The following DPP6 variants were observed in gnomAD, a reference collection of about 807,000 sequenced individuals.
DPP6 encodes the protein A-type potassium channel modulatory protein DPP6.
Under a neutral mutation model 122.6 loss-of-function variants are expected in DPP6, and 69 were observed. That is an observed-to-expected ratio of 0.56 (90% CI 0.46 to 0.69). The LOEUF (loss-of-function observed/expected upper bound fraction) is 0.69. Ranked by LOEUF, DPP6 falls within the 30% of genes least tolerant of loss-of-function variation. DPP6 has a pLI of 0.00. For missense variants in DPP6, 928 were observed against 1,116.9 expected, an observed-to-expected ratio of 0.83 and a Z score of 2.41; for synonymous variants, 418 against 433.1, an observed-to-expected ratio of 0.97 and a Z score of 0.43.
chr7:154,318,293 C>G (rs148600565), intron 1 of DPP6, among the ~76,000 whole-genome samples: 1 of 152,174 alleles, frequency 6.6e-6, no homozygotes, highest in Non-Finnish European at 1.5e-5. Context: ...ACTCAATATT[C>G]GTCTCCCTCG....
rs1456389164 is a variant in DPP6, at chr7:154,255,377, C to G, written c.244-190837C>G. Among the ~76,000 whole-genome samples, 3 of 152,236 alleles carry G rather than the reference C, an allele frequency of 2.0e-5. No homozygotes were observed. The South Asian group carries it at 6.2e-4, about 31-fold the overall frequency. Reference sequence around the variant, plus strand: ...AGTTATCTGAAGGTTGACAAGGCAGCAGGCTTAGATGAATTACACTCCAGC... The same window carrying G: ...AGTTATCTGAAGGTTGACAAGGCAGGAGGCTTAGATGAATTACACTCCAGC... On this transcript the variant is annotated intron_variant, in intron 1 of 25. Coordinates refer to ENST00000377770, the MANE Select transcript of DPP6 (RefSeq NM_130797.4).
intron 1 of DPP6, among the ~76,000 whole-genome samples, chr7:154,217,866 A>G (rs1220607515): frequency 6.6e-6 from 1 of 152,138 alleles, no homozygotes. Context: ...CACGCTGCCC[A>G]AGCCTGGTCT....
intron 3 of DPP6, among the ~76,000 whole-genome samples, chr7:154,528,231 G>A (rs1297867174): frequency 3.3e-5 from 5 of 152,094 alleles, no homozygotes; most frequent in African/African-American, 1.2e-4. Context: ...ATGTTTCTTA[G>A]AACTCCCATT....
rs1826963177 is a variant in DPP6 at position 154,521,357 on chromosome 7, CAAAT to C, written c.458-19170_458-19167del. 2.0e-5 allele frequency among the ~76,000 whole-genome samples: 3 copies of C among 149,334 alleles called. No individual in the cohort carries two copies. In the Admixed American group the frequency reaches 2.0e-4, roughly 10 times the overall value. On this transcript the variant is annotated intron_variant, in intron 3 of 25. Coordinates refer to ENST00000377770, the MANE Select transcript of DPP6 (RefSeq NM_130797.4). ...TTTGCAAAAACAAATCCTAATTCTA[CAAAT>C]AAATTGTTTTTTTTTTTTTCCTTAA...
At chr7:154,680,922 T>C (rs1428052685) in intron 7 of DPP6, among the ~76,000 whole-genome samples, 1 of 152,118 alleles carries the variant, frequency 6.6e-6, no homozygotes, top group Non-Finnish European at 1.5e-5. Flanking sequence ...TGGGACTCAC[T>C]CTCTTTTTGA....
the DPP6 span, among the ~76,000 whole-genome samples, chr7:153,812,000 T>C: frequency 3.3e-5 from 5 of 152,078 alleles, no homozygotes; most frequent in Admixed American, 1.3e-4. Context: ...GATGCTGCTT[T>C]GGTGGTGTTT....
At chr7:154,498,525 A>G (rs995783897) in intron 3 of DPP6, among the ~76,000 whole-genome samples, 1 of 152,026 alleles carries the variant, frequency 6.6e-6, no homozygotes, top group Non-Finnish European at 1.5e-5. Context: ...TTTAGTAGAG[A>G]TGGGGTTTCA....
chr7:154,144,137 C>A (rs557268864), intron 1 of DPP6, among the ~76,000 whole-genome samples: 1 of 152,158 alleles, frequency 6.6e-6, no homozygotes, highest in Non-Finnish European at 1.5e-5. Flanking sequence ...TTTTTGATTA[C>A]TTACTAAGGT....
chr7:153,874,126 T>A, the DPP6 span, among the ~76,000 whole-genome samples: 8 of 152,302 alleles, frequency 5.3e-5, no homozygotes, highest in African/African-American at 1.9e-4. Flanking sequence ...AGACAAAGCA[T>A]CTAGAGCTTC....
At chr7:153,998,633 G>C (rs1585153737) in intron 1 of DPP6, among the ~76,000 whole-genome samples, 1 of 152,342 alleles carries the variant, frequency 6.6e-6, no homozygotes, top group East Asian at 1.9e-4. Context: ...CACCTGTAAT[G>C]AGATGGGAAG....
At chr7:153,945,031 C>T (rs1443864710) in intron 1 of DPP6, among the ~76,000 whole-genome samples, 1 of 152,106 alleles carries the variant, frequency 6.6e-6, no homozygotes, top group Admixed American at 6.5e-5. Context: ...TGTTCTTTCC[C>T]ACAGGTGTTG....
At chr7:153,849,205 A>G in the DPP6 span, among the ~76,000 whole-genome samples, 3 of 152,202 alleles carry the variant, frequency 2.0e-5, no homozygotes, top group Non-Finnish European at 4.4e-5. Flanking sequence ...TATAGGCCAC[A>G]CAGTTAGTAC....
At chr7:154,082,509 C>T (rs1804093689) in intron 1 of DPP6, among the ~76,000 whole-genome samples, 1 of 151,796 alleles carries the variant, frequency 6.6e-6, no homozygotes, top group African/African-American at 2.4e-5. Flanking sequence ...CTAATTTCAA[C>T]AACACAATCA....
intron 1 of DPP6, among the ~76,000 whole-genome samples, chr7:154,387,351 A>C (rs2151157186): frequency 6.6e-6 from 1 of 152,310 alleles, no homozygotes; most frequent in Non-Finnish European, 1.5e-5. Flanking sequence ...TCATGTCCAT[A>C]AATTCAAAGG....
At chr7:154,727,908 A>C in intron 8 of DPP6, 21 bp downstream of exon 8, 2 of 1,564,426 alleles carry the variant, frequency 1.3e-6, no homozygotes, top group Non-Finnish European at 1.7e-6. Flanking sequence ...CACAGAGAGA[A>C]AAAAGGAAGA....
intron 1 of DPP6, among the ~76,000 whole-genome samples, chr7:154,289,719 A>T (rs76398789): frequency 6.6e-6 from 1 of 152,268 alleles, no homozygotes; most frequent in East Asian, 1.9e-4. Flanking sequence ...TCTCTGCACA[A>T]CTTCAGAGAG....
chr7:154,172,243 A>G (rs1441147088), intron 1 of DPP6, among the ~76,000 whole-genome samples: 1 of 152,124 alleles, frequency 6.6e-6, no homozygotes. Context: ...TCCTGCTCTG[A>G]GTTTTTATGT....
intron 1 of DPP6, among the ~76,000 whole-genome samples, chr7:154,218,699 T>C (rs1183751370): frequency 1.3e-5 from 2 of 152,220 alleles, no homozygotes; most frequent in East Asian, 3.8e-4. Flanking sequence ...TGCGGACATA[T>C]AATTCATGCT....
intron 5 of DPP6, among the ~76,000 whole-genome samples, chr7:154,586,365 A>G (rs534846162): frequency 6.6e-6 from 1 of 152,326 alleles, no homozygotes; most frequent in African/African-American, 2.4e-5. Flanking sequence ...CTCAGCTCCC[A>G]TCGCCTGCCC....
Sources: gnomAD v4.1 joint callset for allele counts (sites outside exome capture counted in the v4.1 genomes callset) on GRCh38, gnomAD v4.1.1 for gene constraint, MANE v1.5 for transcripts, NCBI Gene and HGNC (gene_info 2026-07-23, HGNC 2026-07-21) for gene names.